The following TBRG4 variants were observed in gnomAD, a reference collection of about 807,000 sequenced individuals.
TBRG4 encodes FAST kinase domain-containing protein 4.
A neutral mutation model predicts 65.6 loss-of-function variants in TBRG4; 43 were observed. The ratio of observed to expected loss-of-function variants is 0.66; its 90% CI spans 0.51 to 0.85. The LOEUF is 0.85. Ranked by LOEUF, TBRG4 falls within the 40% of genes least tolerant of loss-of-function variation. The pLI is 0.00. For missense variants in TBRG4, 709 were observed against 787.9 expected, an observed-to-expected ratio of 0.90 and a Z score of 1.20; for synonymous variants, 366 against 341.4, an observed-to-expected ratio of 1.07 and a Z score of -0.79.
chr7:45,110,206 G>T (rs1389156865), intron 1 of TBRG4, among the ~76,000 whole-genome samples: 1 of 152,010 alleles, frequency 6.6e-6, no homozygotes, highest in Non-Finnish European at 1.5e-5. Context: ...GCAACACAAG[G>T]CCCCATTTTA....
At chr7:45,103,610 G>A (rs1360375000) in intron 5 of TBRG4, 167 bp from the exon 6 acceptor site, 3 of 602,424 alleles carry the variant, frequency 5.0e-6, no homozygotes, top group African/African-American at 3.7e-5. Context: ...ACTTACACAG[G>A]CCCAGACACT....
intron 10 of TBRG4, 143 bp from the exon 11 acceptor site, chr7:45,100,569 C>T (rs1389144908): frequency 1.5e-6 from 1 of 660,546 alleles, no homozygotes; most frequent in Non-Finnish European, 2.7e-6. Flanking sequence ...TGCCCCTTGG[C>T]CTCCAAGTCT....
At chr7:45,108,310 T>C (rs953665666) in intron 2 of TBRG4, among the ~76,000 whole-genome samples, 1 of 152,256 alleles carries the variant, frequency 6.6e-6, no homozygotes, top group African/African-American at 2.4e-5. Context: ...AACTGGCTTC[T>C]GTAGTCTGAG....
intron 9 of TBRG4, 34 bp downstream of exon 9, chr7:45,101,469 T>C (rs750986686): frequency 1.9e-6 from 3 of 1,598,190 alleles, no homozygotes; most frequent in South Asian, 2.2e-5. Flanking sequence ...ACAGCCATGG[T>C]GCCCCCATGG....
chr7:45,106,209 C>G (rs1784949284), intron 2 of TBRG4: 1 of 375,068 alleles, frequency 2.7e-6, no homozygotes, highest in African/African-American at 2.1e-5. Flanking sequence ...CTCAAGGTGG[C>G]TGAGGTCATT....
chr7:45,102,108 C>T (rs1168606920), intron 7 of TBRG4, 38 bp from the exon 8 acceptor site: 26 of 1,555,260 alleles, frequency 1.7e-5, no homozygotes, highest in South Asian at 7.4e-5. Flanking sequence ...GGTGGGCCTA[C>T]GGCCAGAGAT....
intron 2 of TBRG4, 70 bp from the exon 3 acceptor site, chr7:45,105,834 T>G: frequency 6.7e-7 from 1 of 1,500,666 alleles, no homozygotes; most frequent in Non-Finnish European, 9.1e-7. Flanking sequence ...GGAGGCTACC[T>G]CTCTGAACCT....
Position 45,101,807 on chromosome 7 carries a change from A to G in TBRG4, c.1567+18T>C, listed in dbSNP as rs763240193. On this transcript the variant is annotated intron_variant, in intron 8 of 10. Coordinates refer to ENST00000258770, the MANE Select transcript of TBRG4 (RefSeq NM_004749.4). ...TCAGGCAATGCCAGGCCCTGTGCCA[A>G]CCAGGGGGAGCCCTCACCCAGCACC... is the stretch of plus-strand genomic sequence containing the variant. The G allele has an allele frequency of 3.7e-6, 6 of 1,602,330 alleles. No individual in the cohort carries two copies. In the East Asian group the frequency reaches 1.3e-4, roughly 36 times the overall value.
intron 1 of TBRG4, 59 bp downstream of exon 1, chr7:45,111,584 G>C: frequency 7.8e-7 from 1 of 1,288,714 alleles, no homozygotes; most frequent in Non-Finnish European, 1.0e-6. Flanking sequence ...AGCCACGCCT[G>C]TGTTGTGCAC....
chr7:45,109,736 G>A lies in TBRG4; in HGVS notation c.-50-449C>T, dbSNP rs528720419. Among the ~76,000 whole-genome samples, 8 of 152,166 alleles carry A rather than the reference G, an allele frequency of 5.3e-5. No homozygotes were observed. The South Asian group carries it at 1.5e-3, about 28-fold the overall frequency. On this transcript the variant is annotated intron_variant, in intron 1 of 10. Transcript: ENST00000258770. The stretch of plus-strand genomic sequence containing the variant: ...TCACGCCTGTAATCCCAGCACTTTG[G>A]GAGGCCTAGGCGGGTGGATCACTTG...
chr7:45,110,892 AAAAG>A (rs1159772852), intron 1 of TBRG4: 1 of 152,190 alleles, frequency 6.6e-6, no homozygotes, highest in East Asian at 1.9e-4. Flanking sequence ...AAGAAAAAAA[AAAAG>A]AGAGAGAGAT....
At position 45,104,727 on chromosome 7, in the gene TBRG4, G is replaced by T. The variant is rs752884619; in HGVS notation, c.736-18C>A. On this transcript the variant is annotated intron_variant, in intron 3 of 10. Transcript: ENST00000258770. The stretch of plus-strand genomic sequence containing the variant: ...TCCAGGCACTGTCAACCACAGCCGC[G>T]CAGAGGTCAGCTCAATGGCCTGGGG... The T allele has an allele frequency of 7.8e-5, 126 of 1,611,262 alleles. No individual in the cohort carries two copies. The highest frequency in any genetic ancestry group is 1.0e-4 in the Non-Finnish European group (118 of 1,178,720).
Position 45,104,220 on chromosome 7 carries a change from C to T in TBRG4, c.944G>A (p.Arg315His), listed in dbSNP as rs1399833150. The T allele has an allele frequency of 8.1e-6, 13 of 1,613,950 alleles. No homozygotes were observed. Among genetic ancestry groups the T allele is most frequent in the African/African-American group, 1.3e-5 (1 of 74,920 alleles). ...GAGGGATAGCAGGTCGGTGGCCAGG[C>T]GCTGGGACACCTGGGTCTGGTGAAA... Reference protein sequence around the residue: ...LSFHQTQVSQRLATDLLSLMP... With the variant: ...LSFHQTQVSQHLATDLLSLMP... Residue 315 changes from arginine (R) to histidine (H), a missense_variant, in exon 5 of 11, where the codon CGC becomes CAC. Arg to His is a conservative substitution (Grantham distance 29, BLOSUM62 0). Transcript: ENST00000258770.
intron 3 of TBRG4, chr7:45,105,168 G>A: frequency 1.6e-6 from 1 of 624,844 alleles, no homozygotes; most frequent in South Asian, 1.8e-5. Flanking sequence ...TGCTGTGATG[G>A]GGTTTGGGGG....
chr7:45,108,791 C>T (rs1466705842), intron 2 of TBRG4, 36 bp downstream of exon 2: 1 of 1,483,306 alleles, frequency 6.7e-7, no homozygotes, highest in Admixed American at 2.5e-5. Flanking sequence ...CTGTTTTCCT[C>T]TTGTCTATGC....
chr7:45,101,847 G>C lies in TBRG4; in HGVS notation c.1545C>G (p.Ala515=). 6.2e-7 allele frequency: 1 copy of C among 1,607,454 alleles called. No individual in the cohort carries two copies. Among genetic ancestry groups the C allele is most frequent in the Non-Finnish European group, 8.5e-7 (1 of 1,179,556 alleles). ...GSADKGSLEV[A]TQYGWVLDAE... ...CACCCAGCACCCAGCCATACTGCGT[G>C]GCCACCTCGAGGCTGCCCTTGTCGG... Residue 515 remains alanine, a synonymous_variant, in exon 8 of 11, where the codon GCC becomes GCG. Transcript: ENST00000258770.
chr7:45,105,593 A>G lies in TBRG4; in HGVS notation c.583T>C (p.Ser195Pro). The G allele has an allele frequency of 6.2e-7, 1 of 1,614,100 alleles. No homozygotes were observed. The highest frequency in any genetic ancestry group is 2.2e-5 in the East Asian group (1 of 44,874). The change falls in exon 3 of 11, where the codon TCA (serine) becomes CCA (proline). Residue 195 changes from serine to proline, a missense_variant. Transcript: ENST00000258770. ...AGCTCCTGCGAGTGCTGCTCCTGTG[A>G]GAGGGTGGCACAGGACTCTGCCAGG... ...AFLAESCATL[S>P]QEQHSQELLA...
At chr7:45,106,169 C>A in intron 2 of TBRG4, 1 of 441,760 alleles carries the variant, frequency 2.3e-6, no homozygotes. Context: ...GAGCCTGATC[C>A]TCTAGGCTAC....
intron 1 of TBRG4, 30 bp from the exon 2 acceptor site, chr7:45,109,317 A>G: frequency 6.7e-7 from 1 of 1,493,580 alleles, no homozygotes; most frequent in Non-Finnish European, 8.9e-7. Flanking sequence ...AGAAGGGGCT[A>G]CTACAGGGGC....
Sources: allele counts gnomAD v4.1 joint callset (sites outside exome capture counted in the v4.1 genomes callset), GRCh38; gene constraint gnomAD v4.1.1; transcripts MANE v1.5; gene names NCBI Gene and HGNC (gene_info 2026-07-23, HGNC 2026-07-21).